DIP2B: variants seen among roughly 807,000 people sequenced by gnomAD.
DIP2B encodes DIP2 acetate--CoA ligase B (putative), also known as disco-interacting protein 2 homolog B.
In DIP2B, 76 loss-of-function variants were observed where a neutral mutation model predicts 198.0. The ratio of observed to expected loss-of-function variants is 0.38; its 90% confidence interval spans 0.32 to 0.46. The LOEUF (loss-of-function observed/expected upper bound fraction) is 0.46. DIP2B is among the 20% of genes least tolerant of loss of function. DIP2B has a pLI of 0.99. For synonymous variants in DIP2B, 701 were observed against 739.1 expected (o/e 0.95, Z 0.84); for missense variants, 1,559 against 1,978.4 (o/e 0.79, Z 4.02).
At chr12:50,554,369 G>A (rs1958451279) in intron 1 of DIP2B, among the ~76,000 whole-genome samples, 1 of 151,984 alleles carries the variant, frequency 6.6e-6, no homozygotes, top group Non-Finnish European at 1.5e-5. Flanking sequence ...AAATCATGTG[G>A]TATACTTTTA....
chr12:50,633,659 A>G (rs1215563884), intron 2 of DIP2B, among the ~76,000 whole-genome samples: 2 of 152,150 alleles, frequency 1.3e-5, no homozygotes, highest in Non-Finnish European at 2.9e-5. Flanking sequence ...CCAGCTACTC[A>G]GGAGGCTGAG....
rs1939516214 is a variant in DIP2B at position 50,706,548 on chromosome 12, T to A, written c.2417T>A (p.Val806Glu). The A allele has an allele frequency of 6.2e-7, 1 of 1,613,886 alleles. No homozygotes were observed. Among genetic ancestry groups the A allele is most frequent in the African/African-American group, 1.3e-5 (1 of 74,930 alleles). ...LLGFVGPGSL[V>E]FVVGKMDGLL... Reference sequence around the variant, plus strand: ...ATCATTACCTTTCAGGGTAGTTTGGTGTTCGTGGTTGGGAAAATGGATGGC... The same window carrying A: ...ATCATTACCTTTCAGGGTAGTTTGGAGTTCGTGGTTGGGAAAATGGATGGC... The change falls in exon 21 of 38, where the codon GTG (valine) becomes GAG (glutamate). Residue 806 changes from valine to glutamate, a missense_variant. Transcript: ENST00000301180.
chr12:50,647,362 G>A (rs1938369049), intron 3 of DIP2B, among the ~76,000 whole-genome samples: 2 of 152,172 alleles, frequency 1.3e-5, no homozygotes, highest in Non-Finnish European at 1.5e-5. Flanking sequence ...CAGAATGGAG[G>A]TGGTGATGTC....
rs993516223 is a variant in DIP2B at position 50,718,697 on chromosome 12, A to G, written c.2852-12A>G. The G allele has an allele frequency of 1.2e-6, 2 of 1,613,250 alleles. No individual in the cohort carries two copies. The highest frequency in any genetic ancestry group is 2.2e-5 in the East Asian group (1 of 44,854). On this transcript the variant is annotated splice_polypyrimidine_tract_variant and intron_variant, in intron 23 of 37. Coordinates refer to ENST00000301180, the MANE Select transcript of DIP2B (RefSeq NM_173602.3). ...CCATCTCCAGTGAGTTGGGTTTTGC[A>G]TTTATTTACAGGTGTAGGCCCTGCT... is the stretch of plus-strand genomic sequence containing the variant.
At chr12:50,605,909 C>T (rs1195446791) in intron 1 of DIP2B, among the ~76,000 whole-genome samples, 1 of 152,056 alleles carries the variant, frequency 6.6e-6, no homozygotes, top group Non-Finnish European at 1.5e-5. Context: ...GCAACCTTCG[C>T]CCCCCAGGTT....
At chr12:50,591,539 G>A (rs1050846616) in intron 1 of DIP2B, among the ~76,000 whole-genome samples, 1 of 151,906 alleles carries the variant, frequency 6.6e-6, no homozygotes, top group Admixed American at 6.6e-5. Flanking sequence ...CTGGGCTCAG[G>A]TGATCCTCCC....
At chr12:50,631,809 A>G (rs1938060929) in intron 2 of DIP2B, among the ~76,000 whole-genome samples, 1 of 151,972 alleles carries the variant, frequency 6.6e-6, no homozygotes, top group Non-Finnish European at 1.5e-5. Flanking sequence ...AAATTCTTTC[A>G]TTTTGTGTTT....
intron 1 of DIP2B, among the ~76,000 whole-genome samples, chr12:50,526,789 C>T (rs1246128559): frequency 2.0e-5 from 3 of 151,972 alleles, no homozygotes; most frequent in Non-Finnish European, 4.4e-5. Flanking sequence ...GCCTGTGCCA[C>T]CACGCTTGGC....
intron 1 of DIP2B, among the ~76,000 whole-genome samples, chr12:50,576,238 T>A (rs1958659565): frequency 6.6e-6 from 1 of 151,600 alleles, no homozygotes; most frequent in Non-Finnish European, 1.5e-5. Flanking sequence ...CCTGGCTAAT[T>A]TTGTATTTTT....
chr12:50,604,602 C>T (rs1958966425), intron 1 of DIP2B, among the ~76,000 whole-genome samples: 1 of 152,170 alleles, frequency 6.6e-6, no homozygotes. Context: ...GGACTGCAGG[C>T]ACATGCTGCC....
intron 4 of DIP2B, among the ~76,000 whole-genome samples, chr12:50,661,352 A>G (rs1938643435): frequency 6.6e-6 from 1 of 152,148 alleles, no homozygotes; most frequent in Non-Finnish European, 1.5e-5. Flanking sequence ...TTTGATTCAC[A>G]GCTGTCAAGT....
chr12:50,692,076 T>TA (rs1939232443), intron 13 of DIP2B, among the ~76,000 whole-genome samples: 1 of 151,856 alleles, frequency 6.6e-6, no homozygotes, highest in African/African-American at 2.4e-5. Flanking sequence ...AAAAAATATA[T>TA]ATATATATAA....
At chr12:50,675,538 G>T in intron 7 of DIP2B, 90 bp downstream of exon 7, 1 of 1,265,474 alleles carries the variant, frequency 7.9e-7, no homozygotes, top group Non-Finnish European at 1.1e-6. Context: ...GTTAAAGAAT[G>T]AACAAGACAC....
intron 3 of DIP2B, among the ~76,000 whole-genome samples, chr12:50,653,530 C>G (rs769054077): frequency 6.6e-6 from 1 of 151,370 alleles, no homozygotes; most frequent in Admixed American, 6.6e-5. Context: ...TTTGTAGAGA[C>G]GAGGTGTTGC....
intron 20 of DIP2B, among the ~76,000 whole-genome samples, chr12:50,705,487 A>G (rs1269406742): frequency 2.0e-5 from 3 of 152,252 alleles, no homozygotes; most frequent in Admixed American, 2.0e-4. Flanking sequence ...TCCTCTTTAA[A>G]GGAAGATTCC....
At chr12:50,740,801 A>AT (rs1940228209) in intron 36 of DIP2B, among the ~76,000 whole-genome samples, 1 of 152,156 alleles carries the variant, frequency 6.6e-6, no homozygotes, top group Non-Finnish European at 1.5e-5. Flanking sequence ...CCATGAAGCT[A>AT]CCTAGAAAAA....
chr12:50,508,258 A>C (rs1957985162), intron 1 of DIP2B, among the ~76,000 whole-genome samples: 1 of 152,222 alleles, frequency 6.6e-6, no homozygotes, highest in African/African-American at 2.4e-5. Context: ...AGACGAGTTG[A>C]ATAGGTAGAA....
chr12:50,620,203 T>C (rs1231286888), intron 1 of DIP2B, among the ~76,000 whole-genome samples: 2 of 152,196 alleles, frequency 1.3e-5, no homozygotes, highest in Non-Finnish European at 2.9e-5. Flanking sequence ...TCACTACTTA[T>C]GCGACTGTTC....
intron 1 of DIP2B, among the ~76,000 whole-genome samples, chr12:50,507,132 G>GC (rs1957975107): frequency 6.6e-6 from 1 of 152,178 alleles, no homozygotes; most frequent in Non-Finnish European, 1.5e-5. Flanking sequence ...AATTGTGAAT[G>GC]CCAAGGCTTA....
Sources: gnomAD v4.1 joint callset for allele counts (sites outside exome capture counted in the v4.1 genomes callset) on GRCh38, gnomAD v4.1.1 for gene constraint, MANE v1.5 for transcripts, NCBI Gene and HGNC (gene_info 2026-07-23, HGNC 2026-07-21) for gene names.